The following LPIN2 variants were observed in gnomAD, a reference collection of about 807,000 sequenced individuals.
LPIN2 encodes the protein lipin 2, also known as phosphatidate phosphatase LPIN2.
LPIN2 carries 55 observed loss-of-function variants against 111.4 expected under a neutral mutation model. The observed-to-expected ratio is 0.49, with a 90% confidence interval of 0.40 to 0.62. The LOEUF is 0.62. Ranked by LOEUF, LPIN2 falls within the 20% of genes least tolerant of loss-of-function variation. The pLI, the probability that LPIN2 is intolerant of heterozygous loss-of-function variation, is 0.00. For missense variants in LPIN2, 992 were observed against 1,112.1 expected, an observed-to-expected ratio of 0.89 and a Z score of 1.54; for synonymous variants, 425 against 414.0, an observed-to-expected ratio of 1.03 and a Z score of -0.32.
intron 1 of LPIN2, among the ~76,000 whole-genome samples, chr18:2,978,406 G>T (rs1468655191): frequency 2.6e-5 from 4 of 152,086 alleles, no homozygotes; most frequent in African/African-American, 7.2e-5. Flanking sequence ...CACTGAAAAG[G>T]ACTTTTGAGG....
chr18:2,978,993 C>T (rs1182614294), intron 1 of LPIN2: 1 of 152,212 alleles, frequency 6.6e-6, no homozygotes, highest in East Asian at 1.9e-4. Flanking sequence ...ACTCCCAAAC[C>T]CTCTTGTTTT....
In LPIN2 at chr18:2,946,591, C is replaced by A. The variant is rs1237703183; in HGVS notation, c.590+4464G>T. 3.9e-5 allele frequency: 37 copies of A among 945,788 alleles called. 1 individual carries two copies. The South Asian group carries it at 4.2e-4, about 11-fold the overall frequency. The allele number at this position is 945,788 out of a possible 1,614,324, so 58.6% of individuals were successfully genotyped here. On this transcript the variant is annotated intron_variant, in intron 4 of 19. Coordinates refer to ENST00000677752, the MANE Select transcript of LPIN2 (RefSeq NM_001375808.2). The stretch of plus-strand genomic sequence containing the variant: ...AAACACCGGGAACAGCAAGAGGATG[C>A]GTTAGCCAATCCCGTGTTGCTAGCA...
chr18:2,921,690 C>T (rs995019418), intron 17 of LPIN2, 43 bp from the exon 18 acceptor site: 62 of 1,417,316 alleles, frequency 4.4e-5, no homozygotes, highest in Non-Finnish European at 4.0e-6. Flanking sequence ...TCAAAATGGT[C>T]GTTTTCCCCA....
chr18:2,957,038 C>T (rs2077625224), intron 2 of LPIN2, among the ~76,000 whole-genome samples: 1 of 152,204 alleles, frequency 6.6e-6, no homozygotes, highest in Non-Finnish European at 1.5e-5. Context: ...GTATGAAATT[C>T]TAGTAAAACA....
chr18:2,955,444 C>A (rs4798048), intron 2 of LPIN2, among the ~76,000 whole-genome samples: 41,874 of 151,830 alleles, frequency 0.28, 6,471 homozygotes, highest in East Asian at 0.38. Flanking sequence ...GTCAACTCAG[C>A]AAAAACTCAT....
chr18:2,950,149 A>G (rs962575950), intron 4 of LPIN2: 13 of 152,222 alleles, frequency 8.5e-5, no homozygotes, highest in African/African-American at 3.1e-4. Flanking sequence ...TGGTTTGACC[A>G]TTTAAAACAA....
At chr18:3,010,319 T>G (rs1351206705) in intron 1 of LPIN2, among the ~76,000 whole-genome samples, 1 of 152,138 alleles carries the variant, frequency 6.6e-6, no homozygotes. Context: ...GCCATAAAAC[T>G]TACTGCTCCA....
At position 2,925,267 on chromosome 18, in the gene LPIN2, G is replaced by A. The variant is rs1225914430; in HGVS notation, c.1895C>T (p.Thr632Ile). The change falls in exon 14 of 20, where the codon ACA becomes ATA. Residue 632 changes from threonine to isoleucine, a missense_variant. Transcript: ENST00000677752. The surrounding 1 kb of genome is among the most constrained non-coding windows in gnomAD (Gnocchi z 4.1). The part of the protein sequence containing the change: ...IPTEPLSHGS[T>I]TSYKKSLRLS... The stretch of plus-strand genomic sequence containing the variant: ...GCGGAGAGACTTCTTATATGAAGTT[G>A]TGCTGCCGTGGCTCAGGGGCTCTGT... The A allele has an allele frequency of 6.2e-7, 1 of 1,614,210 alleles. No homozygotes were observed. The highest frequency in any genetic ancestry group is 8.5e-7 in the Non-Finnish European group (1 of 1,180,026).
rs35530040 is a variant in LPIN2, at chr18:2,965,731, C to CAAA, written c.-9-4885_-9-4883dup. On this transcript the variant is annotated intron_variant, in intron 1 of 19. Coordinates refer to ENST00000677752, the MANE Select transcript of LPIN2 (RefSeq NM_001375808.2). ...GGTGACAGAGTGAGACTCCCAATCT[C>CAAA]AAAAAAAAAAAAAAAAAAGCATCAG... Among the ~76,000 whole-genome samples the CAAA allele has an allele frequency of 6.6e-4, 68 of 103,056 alleles. 1 individual carries two copies. The highest frequency in any genetic ancestry group is 1.1e-3 in the African/African-American group (28 of 25,836). 67.6% of individuals were successfully genotyped at this position (103,056 alleles called of 152,430 possible). A position where few individuals can be genotyped will look rare whatever the true frequency, so the allele number is the denominator to read the frequency against.
At chr18:2,966,890 G>A (rs748294833) in intron 1 of LPIN2, 2 of 152,130 alleles carry the variant, frequency 1.3e-5, no homozygotes, top group Non-Finnish European at 2.9e-5. Flanking sequence ...CTAACTTTCT[G>A]CTCATGGACA....
intron 9 of LPIN2, among the ~76,000 whole-genome samples, chr18:2,929,897 A>C (rs2077188994): frequency 6.6e-6 from 1 of 152,196 alleles, no homozygotes; most frequent in Non-Finnish European, 1.5e-5. Flanking sequence ...GTGACAGAGC[A>C]AGGCTCTGTC....
intron 18 of LPIN2, chr18:2,921,279 G>A: frequency 3.4e-6 from 2 of 586,266 alleles, no homozygotes; most frequent in Non-Finnish European, 6.0e-6. Context: ...GGAGCTGCCT[G>A]AGGAAATGGA....
At chr18:2,990,831 A>C (rs2078254505) in intron 1 of LPIN2, 2 of 414,762 alleles carry the variant, frequency 4.8e-6, no homozygotes, top group African/African-American at 4.1e-5. Flanking sequence ...TTCCTACTTC[A>C]ATCTCTGTTC....
At position 2,960,667 on chromosome 18, in the gene LPIN2, C is replaced by A; in HGVS notation, c.174G>T (p.Leu58=). ...FHVRFGKLGV[L]RSKEKVIDIE... is the part of the protein sequence containing the mutation. ...CACTCACCACTTTCTCTTTGGATCT[C>A]AGGACTCCCAGCTTTCCAAACCGAA... Residue 58 remains leucine, a synonymous_variant, in exon 2 of 20, where the codon CTG becomes CTT. Coordinates refer to ENST00000677752, the MANE Select transcript of LPIN2 (RefSeq NM_001375808.2). 6.2e-7 allele frequency: 1 copy of A among 1,614,064 alleles called. No individual in the cohort carries two copies. The highest frequency in any genetic ancestry group is 8.5e-7 in the Non-Finnish European group (1 of 1,180,008).
chr18:2,949,087 G>A (rs558837377), intron 4 of LPIN2, among the ~76,000 whole-genome samples: 2 of 152,264 alleles, frequency 1.3e-5, no homozygotes, highest in Non-Finnish European at 2.9e-5. Context: ...ACAGGCATGG[G>A]CTACCGTGCC....
At chr18:2,968,600 A>G (rs1386744160) in intron 1 of LPIN2, among the ~76,000 whole-genome samples, 1 of 152,050 alleles carries the variant, frequency 6.6e-6, no homozygotes, top group Non-Finnish European at 1.5e-5. Context: ...AGAGTTAGGT[A>G]AGGCTTCAAG....
intron 1 of LPIN2, among the ~76,000 whole-genome samples, chr18:3,009,830 C>T (rs1290410457): frequency 2.0e-5 from 3 of 152,226 alleles, no homozygotes; most frequent in African/African-American, 7.2e-5. Context: ...CAGAAAAAGA[C>T]TGAATTGCAG....
At chr18:2,949,887 C>T (rs1598557762) in intron 4 of LPIN2, among the ~76,000 whole-genome samples, 1 of 151,892 alleles carries the variant, frequency 6.6e-6, no homozygotes, top group Admixed American at 6.6e-5. Context: ...TTGCTTGAGG[C>T]CAGGAATTTG....
intron 6 of LPIN2, among the ~76,000 whole-genome samples, 188 bp downstream of exon 6, chr18:2,939,292 C>T (rs2077335896): frequency 6.6e-6 from 1 of 152,186 alleles, no homozygotes; most frequent in Non-Finnish European, 1.5e-5. Context: ...TGAAATCCTT[C>T]GGTTGCAAAT....
Sources: allele counts gnomAD v4.1 joint callset (sites outside exome capture counted in the v4.1 genomes callset), GRCh38; gene constraint gnomAD v4.1.1; non-coding constraint Gnocchi (gnomAD v3.1); transcripts MANE v1.5; gene names NCBI Gene and HGNC (gene_info 2026-07-23, HGNC 2026-07-21).